The following ACOX3 variants were observed in gnomAD, a reference collection of about 807,000 sequenced individuals.
ACOX3 encodes the protein acyl-CoA oxidase 3, pristanoyl, also known as peroxisomal acyl-coenzyme A oxidase 3.
In ACOX3, 73 loss-of-function variants were observed where a neutral mutation model predicts 81.5. The observed-to-expected ratio is 0.90, with a 90% CI of 0.74 to 1.09. The LOEUF is 1.09. ACOX3 is among the 50% of genes least tolerant of loss of function. ACOX3 has a pLI of 0.00. For synonymous variants in ACOX3, 387 were observed against 375.1 expected (o/e 1.03, Z -0.37); for missense variants, 947 against 928.0 (o/e 1.02, Z -0.27).
intron 10 of ACOX3, among the ~76,000 whole-genome samples, chr4:8,393,824 G>A (rs1028341115): frequency 2.0e-5 from 3 of 152,082 alleles, no homozygotes; most frequent in Admixed American, 6.5e-5. Context: ...GTGTCAGCTG[G>A]CAAAAGCTCC....
chr4:8,418,878 A>AAAC (rs781059608), intron 1 of ACOX3, among the ~76,000 whole-genome samples: 8 of 152,162 alleles, frequency 5.3e-5, no homozygotes, highest in African/African-American at 4.8e-5. Context: ...CAAAACAAAC[A>AAAC]AACAACAACA....
rs1279093658 is a variant in ACOX3 at position 8,407,757 on chromosome 4, G to A, written c.688-1714C>T. Among the ~76,000 whole-genome samples, 1 of 152,244 alleles carries A rather than the reference G, an allele frequency of 6.6e-6. No individual in the cohort carries two copies. The highest frequency in any genetic ancestry group is 1.5e-5 in the Non-Finnish European group (1 of 68,032). On this transcript the variant is annotated intron_variant, in intron 6 of 17. Coordinates refer to ENST00000356406, the MANE Select transcript of ACOX3 (RefSeq NM_003501.3). The surrounding 1 kb of genome is among the most constrained non-coding windows in gnomAD (Gnocchi z 4.6). ...GTCAATCACCGCTCCCCAAGATACAGGTCCAGCCAGCTAATGGCTGCGCAC... is the reference window on the plus strand; with the variant it reads ...GTCAATCACCGCTCCCCAAGATACAAGTCCAGCCAGCTAATGGCTGCGCAC...
chr4:8,398,275 G>A (rs1242278428), intron 8 of ACOX3, among the ~76,000 whole-genome samples: 1 of 152,140 alleles, frequency 6.6e-6, no homozygotes, highest in African/African-American at 2.4e-5. Context: ...TGAAGTTCAA[G>A]TGTTTTTTAT....
intron 16 of ACOX3, 62 bp downstream of exon 16, chr4:8,373,499 C>T (rs1479382633): frequency 1.9e-5 from 30 of 1,550,786 alleles, no homozygotes; most frequent in Admixed American, 5.2e-5. Context: ...TAAGGGGATG[C>T]GTGTCGCTCT....
intron 13 of ACOX3, among the ~76,000 whole-genome samples, chr4:8,388,064 G>A (rs1560176877): frequency 6.6e-6 from 1 of 152,236 alleles, no homozygotes; most frequent in Non-Finnish European, 1.5e-5. Context: ...GCAGGGGAAC[G>A]AGATGCATGC....
chr4:8,388,708 T>G (rs1374391206), intron 13 of ACOX3, among the ~76,000 whole-genome samples: 3 of 151,632 alleles, frequency 2.0e-5, no homozygotes, highest in Non-Finnish European at 4.4e-5. Flanking sequence ...AGGGGCCGAG[T>G]GAAGGAGGTG....
chr4:8,414,421 T>C lies in ACOX3; in HGVS notation c.454-40A>G, dbSNP rs1158611706. ...ACAAAATGATGGAAAGCAAGAAAAG[T>C]TCTTTGTGCACATTCCCAGAAGGAC... On this transcript the variant is annotated intron_variant, in intron 4 of 17. Transcript: ENST00000356406. This position sits in a 1 kb window ranked among gnomAD's most constrained non-coding sequence, Gnocchi z 6.1. The C allele has an allele frequency of 2.6e-6, 4 of 1,565,440 alleles. No individual in the cohort carries two copies. The South Asian group carries it at 3.3e-5, about 13-fold the overall frequency.
intron 14 of ACOX3, among the ~76,000 whole-genome samples, chr4:8,380,004 A>T (rs985077575): frequency 6.6e-6 from 1 of 152,022 alleles, no homozygotes; most frequent in Admixed American, 6.6e-5. Flanking sequence ...GTGGAAGCTG[A>T]CAGGCATCCA....
intron 16 of ACOX3, among the ~76,000 whole-genome samples, 170 bp from the exon 17 acceptor site, chr4:8,371,164 C>T (rs532692988): frequency 6.6e-6 from 1 of 152,306 alleles, no homozygotes; most frequent in East Asian, 1.9e-4. Flanking sequence ...GGATTCGAGG[C>T]CCTTGCTGTG....
At chr4:8,396,538 A>G (rs903053619) in intron 9 of ACOX3, among the ~76,000 whole-genome samples, 5 of 152,092 alleles carry the variant, frequency 3.3e-5, no homozygotes, top group Non-Finnish European at 7.4e-5. Flanking sequence ...TTAGCCGGGC[A>G]TGGTGGTGCA....
chr4:8,364,893 T>A (rs1715328377), downstream of ACOX3, among the ~76,000 whole-genome samples: 1 of 152,132 alleles, frequency 6.6e-6, no homozygotes. The surrounding 1 kb of genome is among the most constrained non-coding windows in gnomAD (Gnocchi z 5.0). Flanking sequence ...TGGGGCCTGC[T>A]CTGGAGGGTG....
At chr4:8,420,916 T>C (rs185630858) in intron 1 of ACOX3, among the ~76,000 whole-genome samples, 1 of 152,126 alleles carries the variant, frequency 6.6e-6, no homozygotes, top group African/African-American at 2.4e-5. Flanking sequence ...TCGTCCTAAT[T>C]GAGCTGAACA....
chr4:8,373,855 C>T lies in ACOX3; in HGVS notation c.1829-227G>A, dbSNP rs546069601. The stretch of plus-strand genomic sequence containing the variant: ...ACTCAGGCATTGATGGTCTCTGGCC[C>T]GCGGCAGCGAGGGAGGCAAGGTCCC... On this transcript the variant is annotated intron_variant, in intron 15 of 17. Coordinates refer to ENST00000356406, the MANE Select transcript of ACOX3 (RefSeq NM_003501.3). The T allele has an allele frequency of 2.5e-4, 145 of 570,286 alleles. No homozygotes were observed. In the East Asian group the frequency reaches 3.8e-3, roughly 15 times the overall value. The allele number at this position is 570,286 out of a possible 1,614,324, so 35.3% of individuals were successfully genotyped here. A position where few individuals can be genotyped will look rare whatever the true frequency, so the allele number is the denominator to read the frequency against.
chr4:8,433,707 C>T (rs918527177), intron 1 of ACOX3, among the ~76,000 whole-genome samples: 1 of 152,202 alleles, frequency 6.6e-6, no homozygotes, highest in African/African-American at 2.4e-5. Flanking sequence ...TTAGTTTTCA[C>T]TTTTCTTACT....
In ACOX3 at chr4:8,386,815, C is replaced by T. The variant is rs1578889673; in HGVS notation, c.1537+2358G>A. Among the ~76,000 whole-genome samples, 3 of 152,316 alleles carry T rather than the reference C, an allele frequency of 2.0e-5. No individual in the cohort carries two copies. The highest frequency in any genetic ancestry group is 2.1e-4 in the South Asian group (1 of 4,832). On this transcript the variant is annotated intron_variant, in intron 13 of 17. Coordinates refer to ENST00000356406, the MANE Select transcript of ACOX3 (RefSeq NM_003501.3). This position sits in a 1 kb window ranked among gnomAD's most constrained non-coding sequence, Gnocchi z 5.2. ...ACCGGCCCAGGCTCCACACCGGCTT[C>T]GGCCACGGCTGTTGTCCTGTTCTTT...
chr4:8,396,155 C>A (rs1404332507), intron 9 of ACOX3, among the ~76,000 whole-genome samples: 1 of 152,132 alleles, frequency 6.6e-6, no homozygotes, highest in African/African-American at 2.4e-5. Context: ...ACGTGTAGGG[C>A]CAACGCTCTG....
chr4:8,416,539 C>A lies in ACOX3; in HGVS notation c.-14-4G>T. ...GATGCCATCGCGTGATAAGAGCCTG[C>A]ACAAAACATGCAACCTGAATCCATG... On this transcript the variant is annotated splice_polypyrimidine_tract_variant and splice_region_variant and intron_variant, in intron 1 of 17. Coordinates refer to ENST00000356406, the MANE Select transcript of ACOX3 (RefSeq NM_003501.3). This position sits in a 1 kb window ranked among gnomAD's most constrained non-coding sequence, Gnocchi z 4.2. 2 of 1,577,980 alleles carry A rather than the reference C, an allele frequency of 1.3e-6. No individual in the cohort carries two copies. The highest frequency in any genetic ancestry group is 1.7e-6 in the Non-Finnish European group (2 of 1,161,176).
rs1281787555 is a variant in ACOX3, at chr4:8,370,184, C to G, written c.1983+724G>C. ...GCAGCCCGAGCAGCAGGCACAAGGC[C>G]CTGGGGTGGGCATGGGCCTGGCGCG... On this transcript the variant is annotated intron_variant, in intron 17 of 17. Transcript: ENST00000356406. The surrounding 1 kb of genome is among the most constrained non-coding windows in gnomAD (Gnocchi z 6.3). 6.6e-6 allele frequency among the ~76,000 whole-genome samples: 1 copy of G among 152,212 alleles called. No individual in the cohort carries two copies. The highest frequency in any genetic ancestry group is 2.4e-5 in the African/African-American group (1 of 41,454).
Position 8,375,020 on chromosome 4 carries a change from C to A in ACOX3, c.1786G>T (p.Ala596Ser). The A allele has an allele frequency of 6.4e-7, 1 of 1,553,212 alleles. No individual in the cohort carries two copies. The highest frequency in any genetic ancestry group is 8.7e-7 in the Non-Finnish European group (1 of 1,147,692). Reference protein sequence around the residue: ...AVLGRLSALYALWSLSRHAAL... With the variant: ...AVLGRLSALYSLWSLSRHAAL... The stretch of plus-strand genomic sequence containing the variant: ...GCGTGGCGGCTCAGGGACCACAGGG[C>A]GTACAGAGCACTGAGCCGCCCCAGC... The change falls in exon 15 of 18, where the codon GCC becomes TCC. Residue 596 changes from alanine to serine, a missense_variant. By Grantham distance (99) the Ala-to-Ser change is moderately conservative. Transcript: ENST00000356406.
Sources: gnomAD v4.1 joint callset for allele counts (sites outside exome capture counted in the v4.1 genomes callset) on GRCh38, gnomAD v4.1.1 for gene constraint, Gnocchi (gnomAD v3.1) non-coding constraint, MANE v1.5 for transcripts, NCBI Gene and HGNC (gene_info 2026-07-23, HGNC 2026-07-21) for gene names.